The following NEBL variants were observed in gnomAD, a reference collection of about 807,000 sequenced individuals.
NEBL encodes LIM and SH3 protein 2.
In NEBL, 122 loss-of-function variants were observed where a neutral mutation model predicts 140.2. The observed-to-expected ratio is 0.87, with a 90% confidence interval of 0.75 to 1.01. The LOEUF (loss-of-function observed/expected upper bound fraction) is 1.01, where lower values mean the gene tolerates loss of function less well. Among genes scored for constraint, NEBL ranks in the 50% least tolerant of loss-of-function variants. The pLI, the probability that NEBL is intolerant of heterozygous loss-of-function variation, is 0.00. For missense variants in NEBL, 1,365 were observed against 1,231.3 expected, an observed-to-expected ratio of 1.11 and a Z score of -1.62; for synonymous variants, 436 against 398.9, an observed-to-expected ratio of 1.09 and a Z score of -1.11.
chr10:21,071,075 G>C (rs1835797464), intron 2 of NEBL, among the ~76,000 whole-genome samples: 1 of 151,806 alleles, frequency 6.6e-6, no homozygotes, highest in Non-Finnish European at 1.5e-5. Context: ...AGGAGGCTAA[G>C]TCAGGAGGAT....
In NEBL at chr10:21,033,227, A is replaced by C. The variant is rs547425993; in HGVS notation, c.165-13026T>G. 3.3e-5 allele frequency among the ~76,000 whole-genome samples: 5 copies of C among 152,338 alleles called. No individual in the cohort carries two copies. In the East Asian group the frequency reaches 9.6e-4, roughly 29 times the overall value. On this transcript the variant is annotated intron_variant, in intron 2 of 6. Coordinates refer to the NEBL transcript ENST00000417816. Reference sequence around the variant, plus strand: ...CAGATTTGGGACTCGAGTATCTAAGATATGAGTATACTCTGAAAAATATCA... The same window carrying C: ...CAGATTTGGGACTCGAGTATCTAAGCTATGAGTATACTCTGAAAAATATCA...
intron 6 of NEBL, among the ~76,000 whole-genome samples, 178 bp from the exon 7 acceptor site, chr10:20,868,943 T>C (rs1379273328): frequency 6.6e-6 from 1 of 152,188 alleles, no homozygotes; most frequent in Non-Finnish European, 1.5e-5. Flanking sequence ...TGTGCTTACA[T>C]GAACAAACTC....
chr10:20,984,532 T>C (rs1422568451), intron 3 of NEBL, among the ~76,000 whole-genome samples: 2 of 152,138 alleles, frequency 1.3e-5, no homozygotes, highest in Non-Finnish European at 2.9e-5. Context: ...CTCCCCTAGT[T>C]GAAATTCGAC....
chr10:21,151,497 C>T (rs1564528695), intron 2 of NEBL, among the ~76,000 whole-genome samples: 1 of 152,156 alleles, frequency 6.6e-6, no homozygotes, highest in South Asian at 2.1e-4. Flanking sequence ...TTTATTTTTA[C>T]AACCAGCCAA....
At chr10:21,271,468 G>C (rs577678121) in intron 1 of NEBL, among the ~76,000 whole-genome samples, 67 of 151,954 alleles carry the variant, frequency 4.4e-4, no homozygotes, top group African/African-American at 1.5e-3. Context: ...CAACGTGGTA[G>C]CTATAGTCGA....
chr10:20,826,431 G>T lies in NEBL; in HGVS notation c.1869+16C>A, dbSNP rs758601320. On this transcript the variant is annotated intron_variant, in intron 18 of 27. Transcript: ENST00000377122. Reference sequence around the variant, plus strand: ...TTTGCTTTTAGAAAAGATAATTAATGCTGTAGAGAACTTACTGAACTAATA... The same window carrying T: ...TTTGCTTTTAGAAAAGATAATTAATTCTGTAGAGAACTTACTGAACTAATA... 5.1e-6 allele frequency: 8 copies of T among 1,578,004 alleles called. No homozygotes were observed. In the Admixed American group the frequency reaches 1.3e-4, roughly 26 times the overall value.
chr10:20,823,419 C>A, intron 18 of NEBL, 119 bp from the exon 19 acceptor site: 2 of 711,084 alleles, frequency 2.8e-6, no homozygotes, highest in Non-Finnish European at 2.3e-6. Flanking sequence ...CATTACTTTT[C>A]CTTCACTGGG....
chr10:21,023,591 A>G (rs1838889231), intron 2 of NEBL, among the ~76,000 whole-genome samples: 1 of 152,152 alleles, frequency 6.6e-6, no homozygotes, highest in South Asian at 2.1e-4. Context: ...GCTACTTGGG[A>G]GGCTGAGGCA....
At chr10:21,151,384 G>T (rs1840130439) in intron 2 of NEBL, among the ~76,000 whole-genome samples, 1 of 152,104 alleles carries the variant, frequency 6.6e-6, no homozygotes, top group African/African-American at 2.4e-5. Flanking sequence ...ATGACAAAAT[G>T]CACTCTTGTT....
intron 26 of NEBL, among the ~76,000 whole-genome samples, chr10:20,796,367 GAAAAAAAA>G (rs57844177): frequency 0.047 from 2,417 of 51,518 alleles, 16 homozygotes; most frequent in East Asian, 0.2. Context: ...TCTAAAACAA[GAAAAAAAA>G]AAAAAAAAAA....
chr10:21,007,673 G>C (rs1838187563), intron 3 of NEBL, among the ~76,000 whole-genome samples: 1 of 152,090 alleles, frequency 6.6e-6, no homozygotes, highest in East Asian at 1.9e-4. Flanking sequence ...CTACAGCAAA[G>C]GACAAAGATG....
At chr10:21,146,477 A>G (rs772801285) in intron 2 of NEBL, 178 of 1,613,644 alleles carry the variant, frequency 1.1e-4, no homozygotes, top group Non-Finnish European at 1.5e-4. Flanking sequence ...CATGCTTTCC[A>G]TAGAGTAGAT....
chr10:21,192,838 A>C (rs1841594905), intron 3 of NEBL, among the ~76,000 whole-genome samples: 1 of 151,902 alleles, frequency 6.6e-6, no homozygotes, highest in Non-Finnish European at 1.5e-5. Context: ...GCCTCAAAAA[A>C]AAAAAAAAGA....
intron 24 of NEBL, among the ~76,000 whole-genome samples, chr10:20,811,756 C>T (rs1588661418): frequency 6.6e-6 from 1 of 152,150 alleles, no homozygotes; most frequent in African/African-American, 2.4e-5. Context: ...ATGAAGAAAA[C>T]CTAACACTGA....
intron 3 of NEBL, among the ~76,000 whole-genome samples, chr10:20,976,158 A>G (rs1335211738): frequency 2.0e-5 from 3 of 151,826 alleles, no homozygotes; most frequent in African/African-American, 7.3e-5. Context: ...AACATGGTGA[A>G]ACCCCATCTC....
rs1186637228 is a variant in NEBL at position 20,930,066 on chromosome 10, G to C, written c.357+31606C>G. ...AGGTGCTGACGACTCTCACATTTAT[G>C]CCTCTTCTCTGCCTTCTCCCCTGAG... On this transcript the variant is annotated intron_variant, in intron 4 of 6. Transcript: ENST00000417816. 3.3e-5 allele frequency among the ~76,000 whole-genome samples: 5 copies of C among 152,118 alleles called. No homozygotes were observed. In the South Asian group the frequency reaches 1.0e-3, roughly 32 times the overall value.
At chr10:20,791,303 A>G (rs1202471669) in intron 26 of NEBL, among the ~76,000 whole-genome samples, 1 of 152,364 alleles carries the variant, frequency 6.6e-6, no homozygotes. Context: ...CTTAATGGTT[A>G]TTATTAAAAT....
At chr10:21,016,160 A>C (rs896077737) in intron 3 of NEBL, among the ~76,000 whole-genome samples, 4 of 152,248 alleles carry the variant, frequency 2.6e-5, no homozygotes, top group African/African-American at 7.2e-5. Flanking sequence ...GTAACTATAA[A>C]AGGGCTTTCC....
intron 2 of NEBL, among the ~76,000 whole-genome samples, chr10:21,088,359 G>A (rs1836745155): frequency 6.6e-6 from 1 of 152,070 alleles, no homozygotes; most frequent in Non-Finnish European, 1.5e-5. Context: ...AATTATCTGG[G>A]TGTTGTGGTC....
Sources: gnomAD v4.1 joint callset for allele counts (sites outside exome capture counted in the v4.1 genomes callset) on GRCh38, gnomAD v4.1.1 for gene constraint, MANE v1.5 for transcripts, NCBI Gene and HGNC (gene_info 2026-07-23, HGNC 2026-07-21) for gene names.